The following SNTG2 variants were observed in gnomAD, a reference collection of about 807,000 sequenced individuals.
SNTG2 encodes the protein gamma-2-syntrophin.
In SNTG2, 74 loss-of-function variants were observed where a neutral mutation model predicts 70.9. The observed-to-expected ratio is 1.04, with a 90% CI of 0.86 to 1.27. The LOEUF (loss-of-function observed/expected upper bound fraction) is 1.27, where lower values mean the gene tolerates loss of function less well. Among genes scored for constraint, SNTG2 ranks in the 50% most tolerant of loss-of-function variants. The pLI is 0.00. For synonymous variants in SNTG2, 278 were observed against 273.8 expected (o/e 1.02, Z -0.15); for missense variants, 717 against 690.7 (o/e 1.04, Z -0.43).
chr2:1,265,265 G>C (rs1678659846), intron 13 of SNTG2, among the ~76,000 whole-genome samples: 1 of 152,178 alleles, frequency 6.6e-6, no homozygotes, highest in African/African-American at 2.4e-5. Context: ...ACGATCCAGA[G>C]GGCCCCAGAA....
At chr2:1,031,526 ATATTTTTT>A (rs1310653145) in intron 1 of SNTG2, among the ~76,000 whole-genome samples, 14 of 54,148 alleles carry the variant, frequency 2.6e-4, no homozygotes, top group East Asian at 7.0e-4. Context: ...ATATATATAT[ATATTTTTT>A]TTTTTTTTTT....
rs542591737 is a variant in SNTG2, at chr2:1,312,317, G to A, written c.1377+3731G>A. Among the ~76,000 whole-genome samples the A allele has an allele frequency of 4.2e-3, 647 of 152,294 alleles. 2 individuals carry two copies. Among genetic ancestry groups the A allele is most frequent in the Non-Finnish European group, 7.3e-3 (497 of 68,034 alleles). On this transcript the variant is annotated intron_variant, in intron 15 of 16. Coordinates refer to ENST00000308624, the MANE Select transcript of SNTG2 (RefSeq NM_018968.4). ...GGCGGGTCTCCTGCCCCGTCCAAGC[G>A]CAGTCCAGGCCGGCGGGGCCTCTGG...
intron 8 of SNTG2, among the ~76,000 whole-genome samples, chr2:1,202,733 A>G (rs1673354657): frequency 6.6e-6 from 1 of 152,216 alleles, no homozygotes; most frequent in Admixed American, 6.5e-5. Flanking sequence ...AATGGAGAGC[A>G]TGTATTTTAT....
At chr2:1,067,146 A>AT (rs1216826506) in intron 1 of SNTG2, among the ~76,000 whole-genome samples, 1 of 152,218 alleles carries the variant, frequency 6.6e-6, no homozygotes, top group Non-Finnish European at 1.5e-5. Context: ...AAAAAAAAAA[A>AT]AAAGTGAGAA....
rs113796360 is a variant in SNTG2, at chr2:1,355,695, G to A, written c.1489-11648G>A. Among the ~76,000 whole-genome samples the A allele has an allele frequency of 7.2e-3, 1,097 of 152,268 alleles. 11 individuals are homozygous for A. The highest frequency in any genetic ancestry group is 0.025 in the African/African-American group (1,026 of 41,538). On this transcript the variant is annotated intron_variant, in intron 16 of 16. Coordinates refer to ENST00000308624, the MANE Select transcript of SNTG2 (RefSeq NM_018968.4). ...GATACTGATTCCATTTTCCTCGGAT[G>A]CATTCCTAGAGAAGGGATTGCTAAG...
chr2:1,287,417 G>T (rs1369951036), intron 14 of SNTG2, among the ~76,000 whole-genome samples: 1 of 152,160 alleles, frequency 6.6e-6, no homozygotes, highest in Non-Finnish European at 1.5e-5. Context: ...CCTCACCTCT[G>T]TGCTGCTCTG....
In SNTG2 at chr2:951,041, C is replaced by T. The variant is rs977562622; in HGVS notation, c.45C>T (p.Arg15=). 3.1e-6 allele frequency: 4 copies of T among 1,273,486 alleles called. No homozygotes were observed. In the African/African-American group the frequency reaches 6.2e-5, roughly 20 times the overall value. 78.9% of individuals were successfully genotyped at this position (1,273,486 alleles called of 1,614,324 possible). A position where few individuals can be genotyped will look rare whatever the true frequency, so the allele number is the denominator to read the frequency against. The change falls in exon 1 of 17, where the codon CGC becomes CGT. Residue 15 remains arginine (R), a synonymous_variant. Transcript: ENST00000308624. ...GPPPPAASRG[R]QGCLLVPART... ...CGCCCCCGGCCGCCTCCCGCGGACGCCAGGGCTGCCTGCTGGTACCTGCGC... is the reference window on the plus strand; with the variant it reads ...CGCCCCCGGCCGCCTCCCGCGGACGTCAGGGCTGCCTGCTGGTACCTGCGC...
At chr2:1,308,230 C>T (rs1680800262) in intron 14 of SNTG2, among the ~76,000 whole-genome samples, 1 of 152,126 alleles carries the variant, frequency 6.6e-6, no homozygotes, top group Admixed American at 6.6e-5. Context: ...TGCATTTGTT[C>T]TGAGTTAGAG....
intron 16 of SNTG2, among the ~76,000 whole-genome samples, chr2:1,367,030 T>C (rs944594726): frequency 5.3e-5 from 8 of 152,180 alleles, no homozygotes; most frequent in Non-Finnish European, 1.0e-4. Flanking sequence ...TCTGACTTAA[T>C]CAAGACCCAT....
At chr2:1,229,775 T>C (rs1239069113) in intron 9 of SNTG2, among the ~76,000 whole-genome samples, 2 of 152,202 alleles carry the variant, frequency 1.3e-5, no homozygotes, top group Admixed American at 6.5e-5. Context: ...AGTGAGAAAT[T>C]GAGTGCAGCG....
At chr2:1,072,771 G>A (rs916476867) in intron 1 of SNTG2, among the ~76,000 whole-genome samples, 2 of 152,122 alleles carry the variant, frequency 1.3e-5, no homozygotes, top group Non-Finnish European at 2.9e-5. Flanking sequence ...GTAAATTGAA[G>A]GATTCACCAT....
At chr2:1,109,186 C>T (rs114494901) in intron 4 of SNTG2, among the ~76,000 whole-genome samples, 1 of 151,874 alleles carries the variant, frequency 6.6e-6, no homozygotes, top group Non-Finnish European at 1.5e-5. Flanking sequence ...TTGCGAAGTC[C>T]CCTAAGCCCC....
chr2:1,017,535 C>T (rs1331852733), intron 1 of SNTG2, among the ~76,000 whole-genome samples: 2 of 146,208 alleles, frequency 1.4e-5, no homozygotes, highest in Non-Finnish European at 1.5e-5. Context: ...ATATGCATAT[C>T]CACACAGGCA....
In SNTG2 at chr2:1,367,246, T is replaced by C. The variant is rs1325865531; in HGVS notation, c.1489-97T>C. The C allele has an allele frequency of 7.5e-6, 9 of 1,205,312 alleles. No individual in the cohort carries two copies. The East Asian group carries it at 2.4e-4, about 33-fold the overall frequency. The allele number at this position is 1,205,312 out of a possible 1,614,324, so 74.7% of individuals were successfully genotyped here. ...TCTATTATTATTTTTTTGGAGGGAC[T>C]TTCTTGGAGTTCACAAGGTCCAAAC... On this transcript the variant is annotated intron_variant, in intron 16 of 16. Coordinates refer to ENST00000308624, the MANE Select transcript of SNTG2 (RefSeq NM_018968.4).
intron 7 of SNTG2, among the ~76,000 whole-genome samples, chr2:1,167,278 CA>C (rs1242806913): frequency 2.6e-5 from 4 of 151,620 alleles, no homozygotes; most frequent in Admixed American, 2.6e-4. Context: ...CCACAGACGG[CA>C]GAACTGAAGC....
chr2:1,091,743 G>A (rs1665043479), intron 2 of SNTG2, among the ~76,000 whole-genome samples: 1 of 152,106 alleles, frequency 6.6e-6, no homozygotes, highest in Non-Finnish European at 1.5e-5. Context: ...TAAAATTTAG[G>A]AGTTATCATA....
chr2:1,279,697 G>A (rs1679436865), intron 14 of SNTG2, among the ~76,000 whole-genome samples: 1 of 152,220 alleles, frequency 6.6e-6, no homozygotes, highest in South Asian at 2.1e-4. Context: ...GAAGTTGGCT[G>A]GAGTAGGTGC....
chr2:987,382 G>T (rs535313816), intron 1 of SNTG2, among the ~76,000 whole-genome samples: 1 of 152,136 alleles, frequency 6.6e-6, no homozygotes, highest in Non-Finnish European at 1.5e-5. Context: ...AAGAGCTTCC[G>T]CAGAGGTGGG....
In SNTG2 at chr2:1,067,150, G is replaced by T. The variant is rs558052467; in HGVS notation, c.73-16368G>T. On this transcript the variant is annotated intron_variant, in intron 1 of 16. Transcript: ENST00000308624. The stretch of plus-strand genomic sequence containing the variant: ...AAGTCACTAGCAAAAAAAAAAAAAA[G>T]TGAGAAATGCGCACTAAAATGTTGT... 7.5e-4 allele frequency among the ~76,000 whole-genome samples: 111 copies of T among 147,730 alleles called. 1 individual carries two copies. The highest frequency in any genetic ancestry group is 2.7e-3 in the African/African-American group (108 of 40,412).
Sources: allele counts gnomAD v4.1 joint callset (sites outside exome capture counted in the v4.1 genomes callset), GRCh38; gene constraint gnomAD v4.1.1; transcripts MANE v1.5; gene names NCBI Gene and HGNC (gene_info 2026-07-23, HGNC 2026-07-21).